Variants in FAS observed in about 807,000 individuals in gnomAD.
FAS encodes tumor necrosis factor receptor superfamily member 6.
FAS carries 5 observed loss-of-function variants against 33.2 expected under a neutral mutation model. The ratio of observed to expected loss-of-function variants is 0.15; its 90% confidence interval spans 0.08 to 0.32. The LOEUF (loss-of-function observed/expected upper bound fraction) is 0.32, where lower values mean the gene tolerates loss of function less well. FAS is among the 10% of genes least tolerant of loss of function. The pLI, the probability that FAS is intolerant of heterozygous loss-of-function variation, is 1.00. For missense variants in FAS, 339 were observed against 386.0 expected, an observed-to-expected ratio of 0.88 and a Z score of 1.02; for synonymous variants, 131 against 130.7, an observed-to-expected ratio of 1.00 and a Z score of -0.01.
chr10:88,980,496 T>C (rs929298136), intron 2 of FAS, among the ~76,000 whole-genome samples: 3 of 152,192 alleles, frequency 2.0e-5, no homozygotes, highest in African/African-American at 7.2e-5. Flanking sequence ...CTGATGCTTA[T>C]AATTACTCTA....
intron 3 of FAS, among the ~76,000 whole-genome samples, chr10:89,008,162 G>A (rs115511836): frequency 6.6e-6 from 1 of 152,040 alleles, no homozygotes; most frequent in African/African-American, 2.4e-5. Context: ...GCTCGTTCAT[G>A]GCCAGAAAAA....
chr10:88,983,755 A>T (rs528668623), upstream of FAS, among the ~76,000 whole-genome samples: 2 of 152,038 alleles, frequency 1.3e-5, no homozygotes, highest in South Asian at 4.2e-4. Flanking sequence ...TCCTTTCAAC[A>T]TATTTGTGTG....
chr10:88,975,163 A>C (rs530608958), intron 2 of FAS: 1 of 152,182 alleles, frequency 6.6e-6, no homozygotes, highest in Non-Finnish European at 1.5e-5. Flanking sequence ...TAAAAAAAAA[A>C]AAAACTCTCA....
chr10:88,999,874 C>T (rs1029554684), intron 1 of FAS, among the ~76,000 whole-genome samples: 1 of 152,264 alleles, frequency 6.6e-6, no homozygotes, highest in African/African-American at 2.4e-5. Flanking sequence ...GGTAAGTATT[C>T]TTTAAGAAAA....
At chr10:88,971,947 T>C (rs1247818279) in intron 1 of FAS, among the ~76,000 whole-genome samples, 1 of 151,718 alleles carries the variant, frequency 6.6e-6, no homozygotes, top group Non-Finnish European at 1.5e-5. Flanking sequence ...TCTTGCTCTG[T>C]CGCCAGGCTG....
At chr10:88,970,712 C>T (rs972964118) in intron 1 of FAS, among the ~76,000 whole-genome samples, 16 of 151,970 alleles carry the variant, frequency 1.1e-4, no homozygotes, top group African/African-American at 3.4e-4. Context: ...CACACCGGGG[C>T]CTGTTGTGGG....
At chr10:89,002,948 A>C in intron 1 of FAS, 81 bp from the exon 2 acceptor site, 1 of 1,528,326 alleles carries the variant, frequency 6.5e-7, no homozygotes, top group African/African-American at 1.4e-5. Context: ...AGATACTGCC[A>C]ATTTTGGGTG....
chr10:89,012,429 C>T, intron 7 of FAS: 1 of 290,140 alleles, frequency 3.4e-6, no homozygotes, highest in Non-Finnish European at 6.7e-6. Context: ...CCTTCTGCCT[C>T]AGCCTCCCAA....
rs1322444461 is a variant in FAS, at chr10:89,016,554, T to C, written c.*2104T>C. 4.4e-6 allele frequency: 1 copy of C among 226,396 alleles called. No individual in the cohort carries two copies. Among genetic ancestry groups the C allele is most frequent in the Non-Finnish European group, 8.8e-6 (1 of 113,800 alleles). 14.0% of individuals were successfully genotyped at this position (226,396 alleles called of 1,614,324 possible). A position where few individuals can be genotyped will look rare whatever the true frequency, so the allele number is the denominator to read the frequency against. On this transcript the variant is annotated 3_prime_UTR_variant, in exon 9 of 9. Transcript: ENST00000652046. ...GGGAGGAAGACAGTGGAGAAGTCTT[T>C]GTACTTGGTGATGTGGTTTTTTTCC... is the stretch of plus-strand genomic sequence containing the variant.
rs1004851646 is a variant in FAS, at chr10:89,007,729, A to C, written c.226A>C (p.Asn76His). The C allele has an allele frequency of 1.9e-6, 3 of 1,613,884 alleles. No individual in the cohort carries two copies. The highest frequency in any genetic ancestry group is 1.7e-5 in the Admixed American group (1 of 59,964). ...GERKARDCTV[N>H]GDEPDCVPCQ... ...AAGGAAAGCTAGGGACTGCACAGTC[A>C]ATGGGGATGAACCAGACTGCGTGCC... Residue 76 changes from asparagine (N) to histidine (H), a missense_variant, in exon 3 of 9, where the codon AAT (asparagine) becomes CAT (histidine). By Grantham distance (68) the Asn-to-His change is moderately conservative. Around this residue, in one of 3 missense-constraint regions of FAS, gnomAD observed 276 missense variants for 300.1 expected, o/e 0.92. Transcript: ENST00000652046.
Position 89,015,653 on chromosome 10 carries a change from G to A in FAS, c.*1203G>A, listed in dbSNP as rs190060976. 376 of 497,370 alleles carry A rather than the reference G, an allele frequency of 7.6e-4. 1 individual carries two copies. Among genetic ancestry groups the A allele is most frequent in the Non-Finnish European group, 1.1e-3 (291 of 260,152 alleles). The allele number at this position is 497,370 out of a possible 1,614,324, so 30.8% of individuals were successfully genotyped here. ...TTATATTTCTGTAAATGTAAACTGT[G>A]AAGATAGTTATAAACTGAAGCAGAT... is the stretch of plus-strand genomic sequence containing the variant. On this transcript the variant is annotated 3_prime_UTR_variant, in exon 9 of 9. Coordinates refer to ENST00000652046, the MANE Select transcript of FAS (RefSeq NM_000043.6).
chr10:89,004,477 C>G (rs1464163420), intron 2 of FAS, among the ~76,000 whole-genome samples: 8 of 151,826 alleles, frequency 5.3e-5, no homozygotes. Context: ...AACTCGTCAT[C>G]TAGCATTAGG....
upstream of FAS, among the ~76,000 whole-genome samples, chr10:88,986,356 T>C (rs933316411): frequency 2.6e-5 from 4 of 152,180 alleles, no homozygotes; most frequent in Admixed American, 2.6e-4. Context: ...GGGTACTCAA[T>C]TGGATTAAGA....
chr10:88,977,685 A>G (rs1442739972), intron 2 of FAS, among the ~76,000 whole-genome samples: 13 of 151,378 alleles, frequency 8.6e-5, no homozygotes, highest in Non-Finnish European at 1.8e-4. Context: ...AATGCAAATG[A>G]AAACCACAAT....
chr10:88,988,334 A>T (rs1183060422), upstream of FAS, among the ~76,000 whole-genome samples: 2 of 152,206 alleles, frequency 1.3e-5, no homozygotes, highest in African/African-American at 4.8e-5. Flanking sequence ...ATTTAGTAAA[A>T]ACAATTTGGT....
chr10:88,980,466 C>T (rs188146049), intron 2 of FAS, among the ~76,000 whole-genome samples: 2 of 152,324 alleles, frequency 1.3e-5, no homozygotes. Flanking sequence ...ACGCATTTCA[C>T]AGGCAAAGAG....
In FAS at chr10:89,016,529, G is replaced by C. The variant is rs1246601328; in HGVS notation, c.*2079G>C. 8.8e-6 allele frequency: 2 copies of C among 226,622 alleles called. No individual in the cohort carries two copies. The highest frequency in any genetic ancestry group is 1.8e-5 in the Non-Finnish European group (2 of 113,950). The allele number at this position is 226,622 out of a possible 1,614,324, so 14.0% of individuals were successfully genotyped here. The stretch of plus-strand genomic sequence containing the variant: ...CAGAGCAAGAACTTTGAGTTCCTTT[G>C]GGAGGAAGACAGTGGAGAAGTCTTT... On this transcript the variant is annotated 3_prime_UTR_variant, in exon 9 of 9. Coordinates refer to ENST00000652046, the MANE Select transcript of FAS (RefSeq NM_000043.6).
chr10:88,990,820 A>T lies in FAS; in HGVS notation c.-57A>T. 6.2e-7 allele frequency: 1 copy of T among 1,613,466 alleles called. No individual in the cohort carries two copies. The highest frequency in any genetic ancestry group is 1.1e-5 in the South Asian group (1 of 91,058). ...TGCCTCTTCTCCCGCGGGTTGGTGG[A>T]CCCGCTCAGTACGGAGTTGGGGAAG... On this transcript the variant is annotated 5_prime_UTR_variant, in exon 1 of 9. Coordinates refer to ENST00000652046, the MANE Select transcript of FAS (RefSeq NM_000043.6). This position sits in a 1 kb window ranked among gnomAD's most constrained non-coding sequence, Gnocchi z 4.9.
chr10:88,967,886 A>C (rs553558038), intron 1 of FAS, among the ~76,000 whole-genome samples: 1 of 152,342 alleles, frequency 6.6e-6, no homozygotes, highest in African/African-American at 2.4e-5. Flanking sequence ...ACTTGAAATA[A>C]ATATGAATTT....
Sources: gnomAD v4.1 joint callset for allele counts (sites outside exome capture counted in the v4.1 genomes callset) on GRCh38, gnomAD v4.1.1 for gene constraint, gnomAD v4.1.1 regional missense constraint, Gnocchi (gnomAD v3.1) non-coding constraint, MANE v1.5 for transcripts, NCBI Gene and HGNC (gene_info 2026-07-23, HGNC 2026-07-21) for gene names.